Variants in DNAH17 observed in about 807,000 individuals in gnomAD.
DNAH17 encodes axonemal beta dynein heavy chain 17.
Under a neutral mutation model 485.6 loss-of-function variants are expected in DNAH17, and 376 were observed. The ratio of observed to expected loss-of-function variants is 0.77; its 90% CI spans 0.71 to 0.84. The LOEUF (loss-of-function observed/expected upper bound fraction) is 0.84, where lower values mean the gene tolerates loss of function less well. DNAH17 is among the 40% of genes least tolerant of loss of function. The probability of loss-of-function intolerance (pLI) is 0.00; values close to 1 mark genes in which losing one functional copy is unlikely to be tolerated. For missense variants in DNAH17, 6,370 were observed against 5,839.3 expected (o/e 1.09, Z -2.96); for synonymous variants, 3,031 against 2,405.9 (o/e 1.26, Z -7.60).
intron 72 of DNAH17, among the ~76,000 whole-genome samples, chr17:78,440,282 G>A (rs2087022837): frequency 8.7e-6 from 1 of 114,870 alleles, no homozygotes; most frequent in South Asian, 2.9e-4. Context: ...TTTGAGACAG[G>A]GTCTTACTCG....
At position 78,495,748 on chromosome 17, in the gene DNAH17, C is replaced by G. The variant is rs1225615945; in HGVS notation, c.5903+127G>C. 8.4e-6 allele frequency: 10 copies of G among 1,187,416 alleles called. No homozygotes were observed. The African/African-American group carries it at 1.1e-4, about 13-fold the overall frequency. 73.6% of individuals were successfully genotyped at this position (1,187,416 alleles called of 1,614,324 possible). A position where few individuals can be genotyped will look rare whatever the true frequency, so the allele number is the denominator to read the frequency against. On this transcript the variant is annotated intron_variant, in intron 38 of 80. Transcript: ENST00000389840. ...TTACTGTGCCCGGCCATCTTGGGAGCTTTTGATGACTTCTTCCCTCCCCAG... is the reference window on the plus strand; with the variant it reads ...TTACTGTGCCCGGCCATCTTGGGAGGTTTTGATGACTTCTTCCCTCCCCAG...
At chr17:78,544,653 T>A (rs980124053) in intron 16 of DNAH17, among the ~76,000 whole-genome samples, 1 of 151,848 alleles carries the variant, frequency 6.6e-6, no homozygotes, top group Non-Finnish European at 1.5e-5. Context: ...ATACAAAAAA[T>A]TAGCCGCGCA....
chr17:78,513,255 A>G (rs957517334), intron 26 of DNAH17, among the ~76,000 whole-genome samples: 2 of 152,164 alleles, frequency 1.3e-5, no homozygotes, highest in Non-Finnish European at 2.9e-5. Flanking sequence ...AGAACCTAAG[A>G]CTGACCAAAC....
Position 78,453,364 on chromosome 17 carries a change from C to A in DNAH17, c.10508G>T (p.Arg3503Met). The A allele has an allele frequency of 2.5e-6, 4 of 1,613,630 alleles. No homozygotes were observed. Among genetic ancestry groups the A allele is most frequent in the Non-Finnish European group, 3.4e-6 (4 of 1,179,726 alleles). Residue 3503 changes from arginine to methionine, a missense_variant, in exon 65 of 81, where the codon AGG becomes ATG. Physicochemically the swap from Arg to Met is moderately conservative, Grantham distance 91. Transcript: ENST00000389840. ...VDPVLDPLLG[R>M]NTIKKGKYIK... The stretch of plus-strand genomic sequence containing the variant: ...TCACTTTCCCTTTTTAATCGTGTTC[C>A]TGCCCAGTAGAGGGTCCAGCACGGG...
At chr17:78,528,403 C>A (rs370176072) in intron 22 of DNAH17, among the ~76,000 whole-genome samples, 1 of 151,804 alleles carries the variant, frequency 6.6e-6, no homozygotes, top group Non-Finnish European at 1.5e-5. Flanking sequence ...TACAGGTGTG[C>A]GCCACCATGC....
chr17:78,560,336 G>T (rs1224007255), intron 13 of DNAH17, among the ~76,000 whole-genome samples: 1 of 152,148 alleles, frequency 6.6e-6, no homozygotes, highest in East Asian at 1.9e-4. Context: ...GTGCTTGTAG[G>T]AATTCGGTTC....
At chr17:78,487,943 G>C (rs932475631) in intron 44 of DNAH17, among the ~76,000 whole-genome samples, 3 of 152,196 alleles carry the variant, frequency 2.0e-5, no homozygotes, top group Non-Finnish European at 4.4e-5. Flanking sequence ...ATTATCCAGC[G>C]TAATAGAGTA....
rs1568173183 is a variant in DNAH17, at chr17:78,507,274, G to GCA, written c.4676+2_4676+3dup. The GCA allele has an allele frequency of 1.2e-6, 2 of 1,613,814 alleles. No homozygotes were observed. The highest frequency in any genetic ancestry group is 3.3e-5 in the Admixed American group (2 of 60,028). On this transcript the variant is annotated splice_donor_region_variant and intron_variant, in intron 29 of 80. Coordinates refer to ENST00000389840, the MANE Select transcript of DNAH17 (RefSeq NM_173628.4). ...CCCCTGGTCTGGATAGGTGTGAGCC[G>GCA]CACCTCTTCTTCAGGGCCTCCAGTT...
rs1297056138 is a variant in DNAH17, at chr17:78,437,865, T to C, written c.11809A>G (p.Ile3937Val). ...EKGHWVILQN[I>V]HLVARWLGTL... Reference sequence around the variant, plus strand: ...CCCAGCCACCGGGCCACCAGGTGGATATTCTGCAGCCAAGACTAGAGGCTG... The same window carrying C: ...CCCAGCCACCGGGCCACCAGGTGGACATTCTGCAGCCAAGACTAGAGGCTG... Residue 3937 changes from isoleucine (I) to valine (V), a missense_variant, in exon 74 of 81, where the codon ATC (isoleucine) becomes GTC (valine). Ile to Val is a conservative substitution (Grantham distance 29, BLOSUM62 3). Transcript: ENST00000389840. 3.1e-6 allele frequency: 5 copies of C among 1,607,998 alleles called. No homozygotes were observed. The highest frequency in any genetic ancestry group is 4.5e-5 in the East Asian group (2 of 44,800).
chr17:78,466,446 TAAA>T (rs1216985129), intron 56 of DNAH17, among the ~76,000 whole-genome samples: 3 of 151,746 alleles, frequency 2.0e-5, no homozygotes, highest in Non-Finnish European at 2.9e-5. Context: ...AAAAAATAAA[TAAA>T]TTAAAAAAAA....
intron 37 of DNAH17, among the ~76,000 whole-genome samples, chr17:78,497,490 T>G (rs1325210272): frequency 2.6e-5 from 4 of 152,202 alleles, no homozygotes; most frequent in Non-Finnish European, 5.9e-5. Flanking sequence ...TTGGAGCCCG[T>G]GAACATTCAG....
intron 55 of DNAH17, among the ~76,000 whole-genome samples, chr17:78,467,837 G>A (rs1167634918): frequency 6.6e-6 from 1 of 152,100 alleles, no homozygotes; most frequent in African/African-American, 2.4e-5. Flanking sequence ...GGCCACCATG[G>A]TGAAATGCTG....
Position 78,477,391 on chromosome 17 carries a change from C to G in DNAH17, c.7993-658G>C, listed in dbSNP as rs890197104. ...TACTTTATTTTTTTTTTTATTGATA[C>G]TTTTTGATATGTAGTCTCACTCTGT... On this transcript the variant is annotated intron_variant, in intron 51 of 80. Transcript: ENST00000389840. Among the ~76,000 whole-genome samples the G allele has an allele frequency of 3.3e-5, 5 of 151,406 alleles. No homozygotes were observed. In the East Asian group the frequency reaches 7.8e-4, roughly 24 times the overall value.
intron 11 of DNAH17, 94 bp from the exon 12 acceptor site, chr17:78,562,074 G>C: frequency 7.0e-7 from 1 of 1,425,116 alleles, no homozygotes. Flanking sequence ...CAATCTTCAG[G>C]AGTGAGAGAA....
At chr17:78,447,654 T>C (rs1180762093) in intron 69 of DNAH17, among the ~76,000 whole-genome samples, 1 of 152,220 alleles carries the variant, frequency 6.6e-6, no homozygotes, top group Admixed American at 6.5e-5. Context: ...GGGGGAGCAC[T>C]GAGGAACTCT....
chr17:78,523,895 C>T (rs1408316087), intron 25 of DNAH17, among the ~76,000 whole-genome samples: 1 of 152,212 alleles, frequency 6.6e-6, no homozygotes, highest in Non-Finnish European at 1.5e-5. Context: ...GGCAACAGAG[C>T]AGGACCTTGT....
At chr17:78,557,026 C>T (rs1429864152) in intron 14 of DNAH17, among the ~76,000 whole-genome samples, 2 of 152,172 alleles carry the variant, frequency 1.3e-5, no homozygotes, top group Non-Finnish European at 2.9e-5. Context: ...CGGGACCGCC[C>T]CCCACCTCCA....
Position 78,569,345 on chromosome 17 carries a change from C to T in DNAH17, c.1197+30G>A, listed in dbSNP as rs774430200. The T allele has an allele frequency of 3.1e-6, 5 of 1,611,084 alleles. No homozygotes were observed. In the Admixed American group the frequency reaches 5.0e-5, roughly 16 times the overall value. On this transcript the variant is annotated intron_variant, in intron 8 of 80. Transcript: ENST00000389840. ...GCTCATATGAACTCACTCGTCCTGC[C>T]TTGGCCCTCGCCCTGCGAGGAAGGG...
At chr17:78,482,035 T>C (rs1429699110) in intron 48 of DNAH17, among the ~76,000 whole-genome samples, 1 of 150,418 alleles carries the variant, frequency 6.6e-6, no homozygotes, top group Non-Finnish European at 1.5e-5. Flanking sequence ...TAAAATAAGC[T>C]GAATAATTTC....
Sources: gnomAD v4.1 joint callset for allele counts (sites outside exome capture counted in the v4.1 genomes callset) on GRCh38, gnomAD v4.1.1 for gene constraint, MANE v1.5 for transcripts, NCBI Gene and HGNC (gene_info 2026-07-23, HGNC 2026-07-21) for gene names.